STXBP3: variants seen among roughly 807,000 people sequenced by gnomAD.
The protein encoded by STXBP3 is syntaxin binding protein 3.
STXBP3 carries 41 observed loss-of-function variants against 85.7 expected under a neutral mutation model. That is an observed-to-expected ratio of 0.48 (90% CI 0.37 to 0.62). The LOEUF is 0.62. Ranked by LOEUF, STXBP3 falls within the 20% of genes least tolerant of loss-of-function variation. The pLI, the probability that STXBP3 is intolerant of heterozygous loss-of-function variation, is 0.00. For missense variants in STXBP3, 563 were observed against 703.1 expected (o/e 0.80, Z 2.25); for synonymous variants, 229 against 231.7 (o/e 0.99, Z 0.10).
intron 11 of STXBP3, 116 bp from the exon 12 acceptor site, chr1:108,793,465 TC>T: frequency 1.2e-6 from 1 of 859,034 alleles, no homozygotes; most frequent in South Asian, 1.9e-5. Context: ...AAAAAAATTG[TC>T]AAATATTCAG....
At chr1:108,753,430 A>G (rs1661950325) in intron 3 of STXBP3, among the ~76,000 whole-genome samples, 1 of 151,864 alleles carries the variant, frequency 6.6e-6, no homozygotes, top group African/African-American at 2.4e-5. Flanking sequence ...ACAATTTTGT[A>G]TATTGATACA....
chr1:108,785,467 G>C (rs1019153196), intron 11 of STXBP3, among the ~76,000 whole-genome samples: 1 of 152,282 alleles, frequency 6.6e-6, no homozygotes, highest in Non-Finnish European at 1.5e-5. Context: ...GCAAGGCTCT[G>C]AGCCTGACCC....
chr1:108,803,453 A>G (rs1199546285), intron 17 of STXBP3, among the ~76,000 whole-genome samples: 1 of 152,030 alleles, frequency 6.6e-6, no homozygotes, highest in African/African-American at 2.4e-5. Context: ...TCTGAAGTGT[A>G]TCCTTTGATG....
At chr1:108,753,035 G>T in intron 2 of STXBP3, 28 bp from the exon 3 acceptor site, 1 of 1,501,492 alleles carries the variant, frequency 6.7e-7, no homozygotes, top group South Asian at 1.3e-5. Context: ...GATGCTTACA[G>T]TATTTTTAAA....
chr1:108,793,660 GTA>G lies in STXBP3; in HGVS notation c.1029+17_1029+18del. The G allele has an allele frequency of 6.3e-7, 1 of 1,599,968 alleles. No individual in the cohort carries two copies. The highest frequency in any genetic ancestry group is 8.5e-7 in the Non-Finnish European group (1 of 1,169,898). On this transcript the variant is annotated intron_variant, in intron 12 of 18. Coordinates refer to ENST00000370008, the MANE Select transcript of STXBP3 (RefSeq NM_007269.4). ...ACAGATTACTAAGGTAAGCAGTATT[GTA>G]TATGAGATACCTGATTAGTTTTAGT...
At chr1:108,764,285 T>A (rs1268238634) in intron 6 of STXBP3, among the ~76,000 whole-genome samples, 4 of 152,202 alleles carry the variant, frequency 2.6e-5, no homozygotes, top group Admixed American at 2.6e-4. Context: ...ACATTTTTTT[T>A]AATCCAGTCT....
chr1:108,793,568 T>C lies in STXBP3; in HGVS notation c.964-14T>C, dbSNP rs1331198472. On this transcript the variant is annotated splice_polypyrimidine_tract_variant and intron_variant, in intron 11 of 18. Coordinates refer to ENST00000370008, the MANE Select transcript of STXBP3 (RefSeq NM_007269.4). ...ATCATAGGCTTGCCTAAAAAAATGTTTGATTTTTCCTAGACATCACTTAGT... is the reference window on the plus strand; with the variant it reads ...ATCATAGGCTTGCCTAAAAAAATGTCTGATTTTTCCTAGACATCACTTAGT... The C allele has an allele frequency of 6.2e-7, 1 of 1,607,612 alleles. No homozygotes were observed. The highest frequency in any genetic ancestry group is 1.3e-5 in the African/African-American group (1 of 74,656).
intron 1 of STXBP3, among the ~76,000 whole-genome samples, chr1:108,750,973 A>G (rs1042539888): frequency 2.0e-5 from 3 of 152,234 alleles, no homozygotes; most frequent in Admixed American, 1.3e-4. Context: ...AGGTGCTTCT[A>G]TCCACATGGA....
chr1:108,794,853 A>T lies in STXBP3; in HGVS notation c.1056A>T (p.Glu352Asp). The T allele has an allele frequency of 6.2e-7, 1 of 1,610,912 alleles. No individual in the cohort carries two copies. The highest frequency in any genetic ancestry group is 8.5e-7 in the Non-Finnish European group (1 of 1,178,298). The change falls in exon 13 of 19, where the codon GAA becomes GAT. Residue 352 changes from glutamate to aspartate, a missense_variant. By Grantham distance (45) the Glu-to-Asp change is conservative. Transcript: ENST00000370008. ...AAGTTGTCCATCTTAACTTAGCAGA[A>T]GATTGCATGAATAAGTTCAAGCTTA... ...TKQVVHLNLAEDCMNKFKLNI... is the reference protein window; with the variant it reads ...TKQVVHLNLADDCMNKFKLNI...
chr1:108,800,641 A>C (rs1301976276), intron 17 of STXBP3, among the ~76,000 whole-genome samples: 2 of 152,236 alleles, frequency 1.3e-5, no homozygotes, highest in Non-Finnish European at 2.9e-5. Context: ...CCTTATGCCC[A>C]GTGCCCAGCT....
intron 3 of STXBP3, 90 bp downstream of exon 3, chr1:108,753,234 G>T (rs1251197116): frequency 3.5e-6 from 3 of 852,982 alleles, no homozygotes; most frequent in Non-Finnish European, 5.1e-6. Context: ...TGTTTCTAAG[G>T]AGCTTATTTT....
intron 11 of STXBP3, among the ~76,000 whole-genome samples, chr1:108,784,500 T>A (rs899733308): frequency 6.6e-6 from 1 of 152,214 alleles, no homozygotes; most frequent in Non-Finnish European, 1.5e-5. Context: ...TATCTCTACC[T>A]GGTCCTGCCC....
At chr1:108,791,067 C>G (rs1161153541) in intron 11 of STXBP3, among the ~76,000 whole-genome samples, 1 of 152,082 alleles carries the variant, frequency 6.6e-6, no homozygotes, top group Non-Finnish European at 1.5e-5. Context: ...TCCCAGCTTT[C>G]TTTTTGTCTG....
chr1:108,765,379 A>C (rs907541388), intron 6 of STXBP3, among the ~76,000 whole-genome samples: 5 of 152,206 alleles, frequency 3.3e-5, no homozygotes, highest in Admixed American at 2.0e-4. Context: ...ATGGATCCAC[A>C]GAAGAAAAAT....
chr1:108,787,452 A>G (rs536891727), intron 11 of STXBP3, among the ~76,000 whole-genome samples: 1 of 152,314 alleles, frequency 6.6e-6, no homozygotes, highest in Admixed American at 6.5e-5. Flanking sequence ...ACAGAAACTA[A>G]AAACCATGGC....
At chr1:108,754,364 A>G (rs1228511839) in intron 3 of STXBP3, among the ~76,000 whole-genome samples, 3 of 152,110 alleles carry the variant, frequency 2.0e-5, no homozygotes, top group Admixed American at 6.6e-5. Flanking sequence ...TTTATTACAT[A>G]TTCAATTGTG....
chr1:108,803,339 A>C (rs1359400599), intron 17 of STXBP3, among the ~76,000 whole-genome samples: 1 of 152,052 alleles, frequency 6.6e-6, no homozygotes, highest in African/African-American at 2.4e-5. Context: ...TTTACCCCCC[A>C]TATTACTAAG....
At chr1:108,768,410 T>C (rs1276307041) in intron 6 of STXBP3, among the ~76,000 whole-genome samples, 1 of 152,174 alleles carries the variant, frequency 6.6e-6, no homozygotes, top group Non-Finnish European at 1.5e-5. Context: ...TGAGAGAGGC[T>C]AATTCTTACT....
At chr1:108,775,139 C>T (rs1275613730) in intron 7 of STXBP3, among the ~76,000 whole-genome samples, 1 of 151,904 alleles carries the variant, frequency 6.6e-6, no homozygotes, top group Non-Finnish European at 1.5e-5. Flanking sequence ...AGTTGAATTA[C>T]CCTTTATAGA....
Sources: gnomAD v4.1 joint callset for allele counts (sites outside exome capture counted in the v4.1 genomes callset) on GRCh38, gnomAD v4.1.1 for gene constraint, MANE v1.5 for transcripts, NCBI Gene and HGNC (gene_info 2026-07-23, HGNC 2026-07-21) for gene names.